The following PYROXD2 variants were observed in gnomAD, a reference collection of about 807,000 sequenced individuals.
The protein encoded by PYROXD2 is pyridine nucleotide-disulfide oxidoreductase domain-containing protein 2.
In PYROXD2, 69 loss-of-function variants were observed where a neutral mutation model predicts 71.1. The observed-to-expected ratio is 0.97, with a 90% CI of 0.80 to 1.19. PYROXD2 has a LOEUF of 1.19. PYROXD2 is among the 50% of genes most tolerant of loss of function. The pLI, the probability that PYROXD2 is intolerant of heterozygous loss-of-function variation, is 0.00. For synonymous variants in PYROXD2, 287 were observed against 302.7 expected, an observed-to-expected ratio of 0.95 and a Z score of 0.54; for missense variants, 745 against 748.9, an observed-to-expected ratio of 0.99 and a Z score of 0.06.
intron 4 of PYROXD2, 143 bp downstream of exon 4, chr10:98,407,439 G>A (rs1216540505): frequency 1.2e-5 from 11 of 934,020 alleles, no homozygotes; most frequent in East Asian, 7.9e-5. Flanking sequence ...GGGAGACCAC[G>A]TGGGATACAC....
chr10:98,400,363 G>T lies in PYROXD2; in HGVS notation c.316-106C>A, dbSNP rs549400849. 2,971 of 1,083,322 alleles carry T rather than the reference G, an allele frequency of 2.7e-3. 8 individuals carry two copies. Among genetic ancestry groups the T allele is most frequent in the Non-Finnish European group, 3.6e-3 (2,775 of 767,866 alleles). 67.1% of individuals were successfully genotyped at this position (1,083,322 alleles called of 1,614,324 possible). A position where few individuals can be genotyped will look rare whatever the true frequency, so the allele number is the denominator to read the frequency against. ...TGACCATTTAGGTACCTGTGTGTAG[G>T]TTCCCAAGTGTATGGTCCTGGTGTC... On this transcript the variant is annotated intron_variant, in intron 4 of 15. Coordinates refer to ENST00000370575, the MANE Select transcript of PYROXD2 (RefSeq NM_032709.3).
chr10:98,385,287 G>A (rs866060887), intron 14 of PYROXD2, among the ~76,000 whole-genome samples: 7 of 152,258 alleles, frequency 4.6e-5, no homozygotes, highest in Non-Finnish European at 1.0e-4. Context: ...GAAGAAAGCA[G>A]GGTGGGGAAC....
intron 4 of PYROXD2, among the ~76,000 whole-genome samples, chr10:98,403,809 G>C (rs919688574): frequency 2.0e-5 from 3 of 152,164 alleles, no homozygotes; most frequent in Admixed American, 6.5e-5. Flanking sequence ...CTCTGCCTAA[G>C]AGCAGTGTCC....
intron 8 of PYROXD2, among the ~76,000 whole-genome samples, chr10:98,394,595 C>A (rs80072032): frequency 0.013 from 2,001 of 149,758 alleles, 48 homozygotes; most frequent in African/African-American, 0.047. Context: ...TCCATTCCTG[C>A]TTCTGCGGGG....
intron 13 of PYROXD2, among the ~76,000 whole-genome samples, chr10:98,387,518 G>T (rs1842793155): frequency 6.6e-6 from 1 of 152,034 alleles, no homozygotes; most frequent in Non-Finnish European, 1.5e-5. Flanking sequence ...GGGTAGGCCA[G>T]TCCAGTCCCC....
chr10:98,391,460 C>T (rs529959616), intron 10 of PYROXD2, among the ~76,000 whole-genome samples: 1 of 152,272 alleles, frequency 6.6e-6, no homozygotes, highest in African/African-American at 2.4e-5. Context: ...AATGGAATCA[C>T]TCAGAAAAAG....
intron 4 of PYROXD2, among the ~76,000 whole-genome samples, chr10:98,406,156 C>T (rs901190644): frequency 3.3e-5 from 5 of 152,212 alleles, no homozygotes; most frequent in Admixed American, 3.3e-4. Context: ...CTCCATACTC[C>T]TATTACTGCA....
intron 10 of PYROXD2, among the ~76,000 whole-genome samples, chr10:98,391,596 C>T (rs2135941260): frequency 6.6e-6 from 1 of 152,278 alleles, no homozygotes; most frequent in Non-Finnish European, 1.5e-5. Flanking sequence ...CTCACCCCTC[C>T]CTGTTTGCAC....
chr10:98,408,239 T>C (rs1037601711), intron 2 of PYROXD2, among the ~76,000 whole-genome samples: 3 of 152,134 alleles, frequency 2.0e-5, no homozygotes, highest in African/African-American at 7.2e-5. Flanking sequence ...CCCCTCCACT[T>C]CCCAGCTGAA....
chr10:98,390,924 T>C (rs1397927314), intron 11 of PYROXD2, 86 bp downstream of exon 11: 4 of 1,353,092 alleles, frequency 3.0e-6, no homozygotes, highest in African/African-American at 2.9e-5. Context: ...ATGGAGATGA[T>C]GACTGAGTTC....
chr10:98,405,939 T>C (rs1042113557), intron 4 of PYROXD2, among the ~76,000 whole-genome samples: 1 of 152,246 alleles, frequency 6.6e-6, no homozygotes, highest in Non-Finnish European at 1.5e-5. Context: ...TCAATTGAGA[T>C]AGAACATTAA....
In PYROXD2 at chr10:98,408,850, T is replaced by A. The variant is rs963494626; in HGVS notation, c.148-853A>T. Among the ~76,000 whole-genome samples, 4 of 152,320 alleles carry A rather than the reference T, an allele frequency of 2.6e-5. No individual in the cohort carries two copies. The East Asian group carries it at 7.7e-4, about 29-fold the overall frequency. On this transcript the variant is annotated intron_variant, in intron 2 of 15. Coordinates refer to ENST00000370575, the MANE Select transcript of PYROXD2 (RefSeq NM_032709.3). ...GCCAGAAGCAGTGAGTACATTGTCTTGTTTAATTTTTCCCACCAGCCAAGA... is the reference window on the plus strand; with the variant it reads ...GCCAGAAGCAGTGAGTACATTGTCTAGTTTAATTTTTCCCACCAGCCAAGA...
In PYROXD2 at chr10:98,388,506, G is replaced by C. The variant is rs745550102; in HGVS notation, c.1295C>G (p.Pro432Arg). 2 of 1,595,894 alleles carry C rather than the reference G, an allele frequency of 1.3e-6. No individual in the cohort carries two copies. Among genetic ancestry groups the C allele is most frequent in the Admixed American group, 3.5e-5 (2 of 57,764 alleles). ...DAMDGLPSHR[P>R]VIELCIPSSL... ...GGAAGGGATGCAGAGCTCAATCACA[G>C]GCCTGTGCGGGCAGGGAGGAGACGG... Residue 432 changes from proline (P) to arginine (R), a missense_variant and splice_region_variant, in exon 13 of 16, where the codon CCT (proline) becomes CGT (arginine). By Grantham distance (103) the Pro-to-Arg change is moderately radical. Transcript: ENST00000370575.
intron 6 of PYROXD2, among the ~76,000 whole-genome samples, chr10:98,397,049 G>C (rs1843210503): frequency 6.6e-6 from 1 of 152,154 alleles, no homozygotes; most frequent in Non-Finnish European, 1.5e-5. Context: ...CTCTGGTATT[G>C]ACTCTTTCTC....
chr10:98,387,161 G>A (rs1280863713), intron 14 of PYROXD2, 40 bp downstream of exon 14: 4 of 1,462,426 alleles, frequency 2.7e-6, no homozygotes, highest in Non-Finnish European at 3.8e-6. Context: ...AGGGTGCAGA[G>A]GGAAGGCTAT....
chr10:98,390,048 T>C (rs1376402303), intron 12 of PYROXD2, among the ~76,000 whole-genome samples: 1 of 151,382 alleles, frequency 6.6e-6, no homozygotes, highest in Non-Finnish European at 1.5e-5. Context: ...TCCCAGCCCA[T>C]ACCCAGTACA....
chr10:98,411,113 G>A, intron 1 of PYROXD2, 155 bp from the exon 2 acceptor site: 6 of 1,027,416 alleles, frequency 5.8e-6, no homozygotes, highest in Non-Finnish European at 8.6e-6. Flanking sequence ...TGTTGGAACA[G>A]CATCTAGTTC....
Position 98,397,293 on chromosome 10 carries a change from T to A in PYROXD2, c.625+52A>T, listed in dbSNP as rs182841101. On this transcript the variant is annotated intron_variant, in intron 6 of 15. Coordinates refer to ENST00000370575, the MANE Select transcript of PYROXD2 (RefSeq NM_032709.3). ...GTGTCTAGGCATCGAGACAATGGGC[T>A]CACCTCCTTGAAGGTCACTCATCAT... is the stretch of plus-strand genomic sequence containing the variant. The A allele has an allele frequency of 1.2e-4, 175 of 1,508,768 alleles. 1 individual carries two copies. The African/African-American group carries it at 2.1e-3, about 18-fold the overall frequency. 93.5% of individuals were successfully genotyped at this position (1,508,768 alleles called of 1,614,324 possible). A position where few individuals can be genotyped will look rare whatever the true frequency, so the allele number is the denominator to read the frequency against.
chr10:98,387,666 T>G (rs1441474781), intron 13 of PYROXD2, among the ~76,000 whole-genome samples: 8 of 133,808 alleles, frequency 6.0e-5, no homozygotes, highest in Admixed American at 3.3e-4. Context: ...GGAGTCTCAC[T>G]CTGTCACCCA....
Sources: allele counts gnomAD v4.1 joint callset (sites outside exome capture counted in the v4.1 genomes callset), GRCh38; gene constraint gnomAD v4.1.1; transcripts MANE v1.5; gene names NCBI Gene and HGNC (gene_info 2026-07-23, HGNC 2026-07-21).